The following RAB6A variants were observed in gnomAD, a reference collection of about 807,000 sequenced individuals.
RAB6A encodes ras-related protein Rab-6A.
A neutral mutation model predicts 32.3 loss-of-function variants in RAB6A; 8 were observed. The ratio of observed to expected loss-of-function variants is 0.25; its 90% CI spans 0.15 to 0.45. The LOEUF (loss-of-function observed/expected upper bound fraction) is 0.45, where lower values mean the gene tolerates loss of function less well. Ranked by LOEUF, RAB6A falls within the 20% of genes least tolerant of loss-of-function variation. The pLI, the probability that RAB6A is intolerant of heterozygous loss-of-function variation, is 1.00. For synonymous variants in RAB6A, 73 were observed against 82.1 expected (o/e 0.89, Z 0.60); for missense variants, 104 against 249.4 (o/e 0.42, Z 3.93).
intron 1 of RAB6A, among the ~76,000 whole-genome samples, chr11:73,740,295 CA>C (rs945891316): frequency 7.9e-5 from 12 of 152,012 alleles, no homozygotes; most frequent in Admixed American, 5.9e-4. Context: ...CAAAGCCAAG[CA>C]AAAGACACTA....
chr11:73,711,239 C>G (rs1000448308), intron 5 of RAB6A, among the ~76,000 whole-genome samples: 5 of 152,194 alleles, frequency 3.3e-5, no homozygotes, highest in Non-Finnish European at 7.3e-5. Context: ...CCTGGAAGTA[C>G]TTGATGCTGA....
At position 73,760,717 on chromosome 11, in the gene RAB6A, G is replaced by C; in HGVS notation, c.-82C>G. 1 of 1,537,850 alleles carries C rather than the reference G, an allele frequency of 6.5e-7. No homozygotes were observed. The highest frequency in any genetic ancestry group is 1.2e-5 in the South Asian group (1 of 83,678). On this transcript the variant is annotated 5_prime_UTR_variant, in exon 1 of 8. Coordinates refer to ENST00000336083, the MANE Select transcript of RAB6A (RefSeq NM_198896.2). ...GCTCCAGCCAGCTGACGAAAAAGGC[G>C]AGCGGAAGGGCGGGCACCGAGCTCT...
intron 2 of RAB6A, among the ~76,000 whole-genome samples, chr11:73,722,133 G>A (rs1590862401): frequency 6.7e-6 from 1 of 149,018 alleles, no homozygotes; most frequent in Non-Finnish European, 1.5e-5. Context: ...AAATTACCCA[G>A]TCTTGGGTTA....
At chr11:73,722,056 G>GTGTGTGTGTGTATATATATAT (rs1555061901) in intron 2 of RAB6A, among the ~76,000 whole-genome samples, 1 of 150,938 alleles carries the variant, frequency 6.6e-6, no homozygotes. Context: ...CTTCTGCCAT[G>GTGTGTGTGTGTATATATATAT]ATTGTAAGTT....
intron 6 of RAB6A, among the ~76,000 whole-genome samples, chr11:73,698,806 C>T (rs1309943629): frequency 6.6e-6 from 1 of 151,534 alleles, no homozygotes; most frequent in Admixed American, 6.6e-5. Context: ...AGTTACCTAT[C>T]CAAATCAAGT....
chr11:73,750,904 C>A (rs1946661135), intron 1 of RAB6A, among the ~76,000 whole-genome samples: 1 of 151,970 alleles, frequency 6.6e-6, no homozygotes, highest in East Asian at 1.9e-4. Context: ...GTAGCCTCAA[C>A]CTCCTATGCT....
At chr11:73,719,250 A>G (rs2134948051) in intron 3 of RAB6A, among the ~76,000 whole-genome samples, 1 of 152,322 alleles carries the variant, frequency 6.6e-6, no homozygotes, top group South Asian at 2.1e-4. Context: ...ACAAAACAAA[A>G]CAAAAAAACC....
chr11:73,716,432 C>CT, intron 4 of RAB6A, 70 bp from the exon 5 acceptor site: 1 of 1,143,620 alleles, frequency 8.7e-7, no homozygotes, highest in South Asian at 1.3e-5. Flanking sequence ...GGGCACCTCC[C>CT]TCCAAAAAAG....
At chr11:73,742,568 C>G (rs1162045243) in intron 1 of RAB6A, among the ~76,000 whole-genome samples, 1 of 151,370 alleles carries the variant, frequency 6.6e-6, no homozygotes, top group African/African-American at 2.4e-5. Flanking sequence ...TCCCAACACA[C>G]TGGGAGGCTG....
intron 2 of RAB6A, among the ~76,000 whole-genome samples, chr11:73,721,729 A>ATG (rs963808964): frequency 8.5e-5 from 13 of 152,252 alleles, no homozygotes; most frequent in Admixed American, 3.9e-4. Context: ...CACATATACT[A>ATG]TGTATATATG....
At chr11:73,744,206 T>C (rs372175756) in intron 1 of RAB6A, among the ~76,000 whole-genome samples, 1 of 151,114 alleles carries the variant, frequency 6.6e-6, no homozygotes, top group South Asian at 2.1e-4. Flanking sequence ...GGCATGGTGG[T>C]GGGCGCCTGT....
chr11:73,733,556 A>T (rs149181009), intron 1 of RAB6A, among the ~76,000 whole-genome samples: 6,895 of 150,348 alleles, frequency 0.046, 468 homozygotes, highest in African/African-American at 0.15. Flanking sequence ...ATCTCAAAAA[A>T]AAAAAAATAA....
At chr11:73,749,776 T>C (rs1738887429) in intron 1 of RAB6A, among the ~76,000 whole-genome samples, 1 of 152,144 alleles carries the variant, frequency 6.6e-6, no homozygotes, top group South Asian at 2.1e-4. Context: ...CCAGGAAGAC[T>C]GCTTAAGCCC....
intron 6 of RAB6A, among the ~76,000 whole-genome samples, chr11:73,701,940 A>C (rs1945752523): frequency 6.6e-6 from 1 of 152,186 alleles, no homozygotes; most frequent in Admixed American, 6.5e-5. Context: ...GCAACCACAC[A>C]CAGCCCACGA....
chr11:73,724,733 G>C (rs761092634), intron 2 of RAB6A, among the ~76,000 whole-genome samples: 1 of 151,898 alleles, frequency 6.6e-6, no homozygotes, highest in Non-Finnish European at 1.5e-5. Flanking sequence ...TGATCCGCCC[G>C]CCTTGGCCTC....
At chr11:73,726,580 T>TAAA in intron 2 of RAB6A, among the ~76,000 whole-genome samples, 1 of 4,622 alleles carries the variant, frequency 2.2e-4, no homozygotes. Flanking sequence ...AGACTCTGTC[T>TAAA]CAAAAAAAAA....
At chr11:73,705,587 GAA>G (rs1945826219) in intron 6 of RAB6A, among the ~76,000 whole-genome samples, 1 of 151,848 alleles carries the variant, frequency 6.6e-6, no homozygotes, top group African/African-American at 2.4e-5. Context: ...ATATATATAA[GAA>G]ATAGAAAAGA....
chr11:73,709,412 G>A (rs1945903610), intron 5 of RAB6A, among the ~76,000 whole-genome samples: 1 of 148,300 alleles, frequency 6.7e-6, no homozygotes, highest in African/African-American at 2.5e-5. Flanking sequence ...CTTCCAAAGG[G>A]GACCAATGAG....
chr11:73,705,767 T>TGAGAGAGAGAGAGAGAGAGAGAGAGAGA (rs3046616), intron 6 of RAB6A, among the ~76,000 whole-genome samples: 1 of 134,838 alleles, frequency 7.4e-6, no homozygotes, highest in South Asian at 2.6e-4. Flanking sequence ...ATAATTCCGA[T>TGAGAGAGAGAGAGAGAGAGAGAGAGAGA]GAGAGAGAGA....
Sources: gnomAD v4.1 joint callset for allele counts (sites outside exome capture counted in the v4.1 genomes callset) on GRCh38, gnomAD v4.1.1 for gene constraint, MANE v1.5 for transcripts, NCBI Gene and HGNC (gene_info 2026-07-23, HGNC 2026-07-21) for gene names.